The following GNAS variants were observed in gnomAD, a reference collection of about 807,000 sequenced individuals.
GNAS encodes protein ALEX.
A neutral mutation model predicts 54.5 loss-of-function variants in GNAS; 8 were observed. The observed-to-expected ratio is 0.15, with a 90% CI of 0.09 to 0.26. The LOEUF (loss-of-function observed/expected upper bound fraction) is 0.26, where lower values mean the gene tolerates loss of function less well. GNAS is among the 10% of genes least tolerant of loss of function. The pLI is 1.00. For missense variants in GNAS, 170 were observed against 529.8 expected, an observed-to-expected ratio of 0.32 and a Z score of 6.67; for synonymous variants, 204 against 191.4, an observed-to-expected ratio of 1.07 and a Z score of -0.54.
intron 1 of GNAS, among the ~76,000 whole-genome samples, chr20:58,880,336 G>C (rs544717755): frequency 6.6e-6 from 1 of 152,320 alleles, no homozygotes; most frequent in African/African-American, 2.4e-5. Context: ...GCAGAGCCCA[G>C]ATATGATCAG....
Position 58,841,598 on chromosome 20 carries a change from G to T in GNAS, c.43+712G>T. On this transcript the variant is annotated intron_variant, in intron 1 of 12. Transcript: ENST00000306090. The surrounding 1 kb of genome is among the most constrained non-coding windows in gnomAD (Gnocchi z 5.0). ...CTCGCGGGACAGAGACCGCCTCAAA[G>T]AGCGTGCGCACCTGCCCGCGCGCGC... 1 of 1,025,444 alleles carries T rather than the reference G, an allele frequency of 9.8e-7. No homozygotes were observed. Among genetic ancestry groups the T allele is most frequent in the East Asian group, 8.3e-5 (1 of 12,086 alleles). The allele number at this position is 1,025,444 out of a possible 1,614,324, so 63.5% of individuals were successfully genotyped here. A position where few individuals can be genotyped will look rare whatever the true frequency, so the allele number is the denominator to read the frequency against.
chr20:58,868,261 C>T (rs562811753), intron 1 of GNAS, among the ~76,000 whole-genome samples: 233 of 152,200 alleles, frequency 1.5e-3, no homozygotes, highest in African/African-American at 5.5e-3. Flanking sequence ...TCAGGTGATC[C>T]CCCTGCCTCA....
intron 1 of GNAS, among the ~76,000 whole-genome samples, chr20:58,881,351 G>T (rs1013077594): frequency 3.8e-4 from 58 of 152,274 alleles, no homozygotes; most frequent in Non-Finnish European, 1.5e-5. Context: ...CATTTCCTTT[G>T]TATGGTTGAG....
intron 1 of GNAS, chr20:58,854,828 G>C (rs1347648666): frequency 6.3e-7 from 1 of 1,594,038 alleles, no homozygotes; most frequent in East Asian, 2.3e-5. Context: ...CTGCCTCCGG[G>C]GCCAGACGCA....
chr20:58,891,559 G>A lies in GNAS; in HGVS notation c.-168G>A. ...CCCTCCCCTTCCCGCCCGTCCGCGC[G>A]CCCCGCGGCCCGCGGCCCGCAGTCC... On this transcript the variant is annotated 5_prime_UTR_variant, in exon 1 of 13. Coordinates refer to ENST00000371085, the MANE Select transcript of GNAS (RefSeq NM_000516.7). The A allele has an allele frequency of 1.0e-6, 1 of 972,492 alleles. No homozygotes were observed. The highest frequency in any genetic ancestry group is 1.2e-6 in the Non-Finnish European group (1 of 822,526). 60.2% of individuals were successfully genotyped at this position (972,492 alleles called of 1,614,324 possible).
chr20:58,851,589 C>A (rs2086177507), intron 1 of GNAS, among the ~76,000 whole-genome samples: 1 of 152,198 alleles, frequency 6.6e-6, no homozygotes, highest in Admixed American at 6.5e-5. Context: ...AATCCCTCTG[C>A]AGACCCCAGA....
chr20:58,841,154 G>C lies in GNAS; in HGVS notation c.43+268G>C, dbSNP rs2085705238. 6.6e-6 allele frequency among the ~76,000 whole-genome samples: 1 copy of C among 152,100 alleles called. No homozygotes were observed. The highest frequency in any genetic ancestry group is 6.5e-5 in the Admixed American group (1 of 15,276). On this transcript the variant is annotated intron_variant, in intron 1 of 12. Coordinates refer to the GNAS transcript ENST00000306090. The surrounding 1 kb of genome is among the most constrained non-coding windows in gnomAD (Gnocchi z 5.0). ...GAGACAACCTGAGGTCTCCGAGCTG[G>C]TGCCCCGGCTACGCGACTGAATCCC...
At chr20:58,885,065 A>G (rs960577962) in intron 1 of GNAS, 3 of 152,258 alleles carry the variant, frequency 2.0e-5, no homozygotes, top group African/African-American at 7.2e-5. Flanking sequence ...TTCTAAAAGG[A>G]ACAAAGTAAT....
chr20:58,891,107 C>T (rs2089201742), upstream of GNAS, among the ~76,000 whole-genome samples: 1 of 149,070 alleles, frequency 6.7e-6, no homozygotes, highest in Non-Finnish European at 1.5e-5. Context: ...CTCGGCTCAG[C>T]CGGGCTGCTG....
At chr20:58,892,031 G>A (rs1600980525) in intron 1 of GNAS, 166 bp downstream of exon 1, 2 of 856,088 alleles carry the variant, frequency 2.3e-6, no homozygotes, top group East Asian at 1.2e-4. Flanking sequence ...GGACCCAGGG[G>A]CGCGGATTCG....
In GNAS at chr20:58,841,397, A is replaced by T. The variant is rs2085719954; in HGVS notation, c.43+511A>T. 1 of 1,009,686 alleles carries T rather than the reference A, an allele frequency of 9.9e-7. No homozygotes were observed. The highest frequency in any genetic ancestry group is 1.2e-6 in the Non-Finnish European group (1 of 844,366). 62.5% of individuals were successfully genotyped at this position (1,009,686 alleles called of 1,614,324 possible). ...TGTGCGGAAAGTAATCTGAATGGGA[A>T]TGGGCGAGAACTCTAGAGACTGACC... On this transcript the variant is annotated intron_variant, in intron 1 of 12. Transcript: ENST00000306090. The surrounding 1 kb of genome is among the most constrained non-coding windows in gnomAD (Gnocchi z 5.0).
intron 2 of GNAS, among the ~76,000 whole-genome samples, chr20:58,896,530 A>T (rs2090063083): frequency 2.0e-5 from 3 of 152,128 alleles, no homozygotes; most frequent in Admixed American, 6.5e-5. Context: ...TGGGGAATGC[A>T]AACAGGGAAC....
chr20:58,901,017 T>A (rs1215454006), intron 3 of GNAS, among the ~76,000 whole-genome samples: 1 of 152,230 alleles, frequency 6.6e-6, no homozygotes, highest in Non-Finnish European at 1.5e-5. Context: ...AATATCAAAC[T>A]GAATGAAAGA....
chr20:58,874,974 T>C (rs1231986041), intron 1 of GNAS, among the ~76,000 whole-genome samples: 1 of 152,208 alleles, frequency 6.6e-6, no homozygotes, highest in Non-Finnish European at 1.5e-5. Context: ...AAATAATATG[T>C]CTTATGGATA....
In GNAS at chr20:58,903,683, C is replaced by G. The variant is rs559448095; in HGVS notation, c.324C>G (p.Ala108=). 31 of 1,614,078 alleles carry G rather than the reference C, an allele frequency of 1.9e-5. No homozygotes were observed. The South Asian group carries it at 3.2e-4, about 17-fold the overall frequency. ...TAAATCATTTTCAGACCATTGTGGC[C>G]GCCATGAGCAACCTGGTGCCCCCCG... The part of the protein sequence containing the change: ...NLKEAIETIV[A]AMSNLVPPVE... Residue 108 remains alanine, a synonymous_variant, in exon 5 of 13, where the codon GCC becomes GCG. Transcript: ENST00000371085.
At chr20:58,840,076 C>G (rs1194297472), upstream of GNAS, 1 of 1,607,634 alleles carries the variant, frequency 6.2e-7, no homozygotes, top group Non-Finnish European at 8.5e-7. This position sits in a 1 kb window ranked among gnomAD's most constrained non-coding sequence, Gnocchi z 6.0. Flanking sequence ...AGCCAGAGGG[C>G]AGGCCGGCTT....
chr20:58,899,102 A>G (rs1306409613), intron 3 of GNAS, 117 bp downstream of exon 3: 7 of 828,066 alleles, frequency 8.5e-6, no homozygotes, highest in Non-Finnish European at 1.5e-5. Flanking sequence ...AAGGACCATC[A>G]GCCATATTGG....
chr20:58,893,066 C>CTTTTTTTTTT (rs869179421), intron 1 of GNAS, among the ~76,000 whole-genome samples: 17 of 103,088 alleles, frequency 1.6e-4, no homozygotes, highest in African/African-American at 2.5e-4. Context: ...GGCGTGGTTT[C>CTTTTTTTTTT]TTTTTTTTTT....
intron 1 of GNAS, chr20:58,854,097 C>T (rs748957817): frequency 1.2e-6 from 2 of 1,612,368 alleles, no homozygotes; most frequent in Non-Finnish European, 1.7e-6. Context: ...CCTCTGGGTC[C>T]CAGGCGCCAT....
Sources: allele counts gnomAD v4.1 joint callset (sites outside exome capture counted in the v4.1 genomes callset), GRCh38; gene constraint gnomAD v4.1.1; non-coding constraint Gnocchi (gnomAD v3.1); transcripts MANE v1.5; gene names NCBI Gene and HGNC (gene_info 2026-07-23, HGNC 2026-07-21).